The following ARHGEF28 variants were observed in gnomAD, a reference collection of about 807,000 sequenced individuals.
ARHGEF28 encodes the protein 190 kDa guanine nucleotide exchange factor.
In ARHGEF28, 152 loss-of-function variants were observed where a neutral mutation model predicts 206.6. That is an observed-to-expected ratio of 0.74 (90% CI 0.64 to 0.84). ARHGEF28 has a LOEUF of 0.84. Among genes scored for constraint, ARHGEF28 ranks in the 40% least tolerant of loss-of-function variants. The probability of loss-of-function intolerance (pLI) is 0.00; values close to 1 mark genes in which losing one functional copy is unlikely to be tolerated. For synonymous variants in ARHGEF28, 763 were observed against 776.4 expected (o/e 0.98, Z 0.29); for missense variants, 2,028 against 2,073.2 (o/e 0.98, Z 0.42).
intron 2 of ARHGEF28, among the ~76,000 whole-genome samples, chr5:73,741,103 T>C (rs1751350751): frequency 6.6e-6 from 1 of 152,078 alleles, no homozygotes; most frequent in Non-Finnish European, 1.5e-5. Context: ...TTGTTTTCAC[T>C]TACTAGGAGT....
chr5:73,706,479 T>G (rs1238782689), intron 2 of ARHGEF28, among the ~76,000 whole-genome samples: 1 of 152,164 alleles, frequency 6.6e-6, no homozygotes, highest in African/African-American at 2.4e-5. Flanking sequence ...GAAGTTCATG[T>G]ATCACAATTA....
At chr5:73,658,554 G>T (rs190525701) in intron 1 of ARHGEF28, among the ~76,000 whole-genome samples, 23 of 152,326 alleles carry the variant, frequency 1.5e-4, no homozygotes, top group African/African-American at 5.3e-4. Flanking sequence ...GGCCTAACCT[G>T]TGACCAGTTG....
intron 1 of ARHGEF28, among the ~76,000 whole-genome samples, chr5:73,680,858 G>A (rs891747004): frequency 4.6e-5 from 7 of 151,880 alleles, no homozygotes; most frequent in African/African-American, 1.7e-4. Flanking sequence ...TACTCATAAA[G>A]AAATTCCTTT....
intron 35 of ARHGEF28, among the ~76,000 whole-genome samples, chr5:73,938,153 C>T (rs2112057540): frequency 7.7e-6 from 1 of 130,636 alleles, no homozygotes; most frequent in African/African-American, 3.0e-5. Context: ...TAAACTTCTA[C>T]ACTACACCAC....
intron 2 of ARHGEF28, among the ~76,000 whole-genome samples, chr5:73,699,940 C>T (rs1748491028): frequency 6.6e-6 from 1 of 152,192 alleles, no homozygotes; most frequent in Non-Finnish European, 1.5e-5. Flanking sequence ...CCTGACCATA[C>T]TGCTTTCAAA....
intron 1 of ARHGEF28, among the ~76,000 whole-genome samples, chr5:73,654,780 G>A (rs1261616424): frequency 1.3e-5 from 2 of 152,142 alleles, no homozygotes; most frequent in Non-Finnish European, 2.9e-5. Context: ...CTCATTGCTT[G>A]TTTCTACCCC....
chr5:73,860,995 G>A (rs1326108907), intron 16 of ARHGEF28, among the ~76,000 whole-genome samples: 2 of 152,226 alleles, frequency 1.3e-5, no homozygotes, highest in East Asian at 1.9e-4. Flanking sequence ...ATAGATCCTG[G>A]TTTTTTACCT....
At chr5:73,716,227 G>T (rs968906280) in intron 2 of ARHGEF28, among the ~76,000 whole-genome samples, 1 of 152,028 alleles carries the variant, frequency 6.6e-6, no homozygotes, top group Admixed American at 6.6e-5. Flanking sequence ...GAGAATTATT[G>T]TTTTTTGTGT....
At chr5:73,700,093 G>A (rs1748505020) in intron 2 of ARHGEF28, among the ~76,000 whole-genome samples, 2 of 152,128 alleles carry the variant, frequency 1.3e-5, no homozygotes, top group South Asian at 4.1e-4. Flanking sequence ...AAAATACTGG[G>A]ATCAATCACA....
intron 2 of ARHGEF28, among the ~76,000 whole-genome samples, chr5:73,695,143 T>C (rs1748111479): frequency 1.3e-5 from 2 of 151,970 alleles, no homozygotes; most frequent in Admixed American, 1.3e-4. Context: ...CCTTGCATTG[T>C]GAGGGAGGGG....
In ARHGEF28 at chr5:73,904,394, T is replaced by C. The variant is rs148325937; in HGVS notation, c.4150T>C (p.Tyr1384His). 21 of 1,611,780 alleles carry C rather than the reference T, an allele frequency of 1.3e-5. No homozygotes were observed. Among genetic ancestry groups the C allele is most frequent in the African/African-American group, 5.3e-5 (4 of 75,024 alleles). Residue 1384 changes from tyrosine to histidine, a missense_variant, in exon 33 of 36, where the codon TAC (tyrosine) becomes CAC (histidine). This residue lies in a region of ARHGEF28 where 803 missense variants were observed against 768.0 expected (regional missense o/e 1.05). Coordinates refer to ENST00000513042, the MANE Select transcript of ARHGEF28 (RefSeq NM_001177693.2). The part of the protein sequence containing the change: ...QAIQNLTRLL[Y>H]SLQAALTIQD... ...CATACAGAATTTAACCCGTCTCTTATACAGCCTTCAGGTAACTATCCTCCT... is the reference window on the plus strand; with the variant it reads ...CATACAGAATTTAACCCGTCTCTTACACAGCCTTCAGGTAACTATCCTCCT...
intron 2 of ARHGEF28, among the ~76,000 whole-genome samples, chr5:73,694,702 T>A (rs1748075322): frequency 6.6e-6 from 1 of 152,210 alleles, no homozygotes; most frequent in South Asian, 2.1e-4. Context: ...TAAATAAGTG[T>A]CTCTAGCTCT....
rs148632665 is a variant in ARHGEF28, at chr5:73,676,788, A to C, written c.-11-8053A>C. Among the ~76,000 whole-genome samples, 26 of 152,282 alleles carry C rather than the reference A, an allele frequency of 1.7e-4. 1 individual carries two copies. In the East Asian group the frequency reaches 5.0e-3, roughly 29 times the overall value. On this transcript the variant is annotated intron_variant, in intron 1 of 35. Transcript: ENST00000513042. ...ACATTTTGAAGATCTGCCTCTAAAA[A>C]GTGAGTCTTTTTCCCTAGTTGGCAA... is the stretch of plus-strand genomic sequence containing the variant.
intron 5 of ARHGEF28, among the ~76,000 whole-genome samples, chr5:73,775,467 A>G (rs528304747): frequency 1.3e-5 from 2 of 152,320 alleles, no homozygotes; most frequent in African/African-American, 4.8e-5. Flanking sequence ...CTTGCCAGTA[A>G]TGAGTGTCAA....
At chr5:73,884,618 T>C (rs2112669793) in intron 24 of ARHGEF28, among the ~76,000 whole-genome samples, 1 of 152,366 alleles carries the variant, frequency 6.6e-6, no homozygotes, top group South Asian at 2.1e-4. Context: ...TGGAATTTTG[T>C]ACACTTGTGT....
At chr5:73,843,599 A>G (rs1758123185) in intron 11 of ARHGEF28, among the ~76,000 whole-genome samples, 4 of 152,344 alleles carry the variant, frequency 2.6e-5, no homozygotes, top group Admixed American at 2.6e-4. Context: ...GGGGGCACAC[A>G]GTAAAAACTG....
At chr5:73,858,908 C>A (rs997742915) in intron 16 of ARHGEF28, among the ~76,000 whole-genome samples, 3 of 152,206 alleles carry the variant, frequency 2.0e-5, no homozygotes, top group Non-Finnish European at 2.9e-5. Context: ...CTCCCTTACT[C>A]CCTCTGCTCC....
At chr5:73,714,153 A>C (rs1455977562) in intron 2 of ARHGEF28, among the ~76,000 whole-genome samples, 1 of 152,218 alleles carries the variant, frequency 6.6e-6, no homozygotes, top group East Asian at 1.9e-4. Flanking sequence ...AAGTGCCTGC[A>C]TCAGTGACTG....
Position 73,870,101 on chromosome 5 carries a change from A to AC in ARHGEF28, c.2458_2459insC (p.Ser820ThrfsTer3). On this transcript the variant is annotated frameshift_variant, in exon 21 of 36. Coordinates refer to ENST00000513042, the MANE Select transcript of ARHGEF28 (RefSeq NM_001177693.2). LOFTEE classifies it high-confidence loss of function. ...GGATTCTTCTCTGTGGAGTGACCTC[A>AC]GCAGTGATGCCCAGGAGTTTGAAGC... 1 of 1,613,954 alleles carries AC rather than the reference A, an allele frequency of 6.2e-7. No homozygotes were observed. The highest frequency in any genetic ancestry group is 8.5e-7 in the Non-Finnish European group (1 of 1,179,860).
Sources: gnomAD v4.1 joint callset for allele counts (sites outside exome capture counted in the v4.1 genomes callset) on GRCh38, gnomAD v4.1.1 for gene constraint, gnomAD v4.1.1 regional missense constraint, MANE v1.5 for transcripts, NCBI Gene and HGNC (gene_info 2026-07-23, HGNC 2026-07-21) for gene names.